MIPOL1: variants seen among roughly 807,000 people sequenced by gnomAD.
MIPOL1 encodes the protein mirror-image polydactyly 1.
Under a neutral mutation model 60.9 loss-of-function variants are expected in MIPOL1, and 57 were observed. The observed-to-expected ratio is 0.94, with a 90% CI of 0.76 to 1.17. MIPOL1 has a LOEUF of 1.17. Among genes scored for constraint, MIPOL1 ranks in the 50% most tolerant of loss-of-function variants. MIPOL1 has a pLI of 0.00. For missense variants in MIPOL1, 551 were observed against 511.6 expected, an observed-to-expected ratio of 1.08 and a Z score of -0.74; for synonymous variants, 179 against 168.8, an observed-to-expected ratio of 1.06 and a Z score of -0.47.
chr14:37,201,634 G>C (rs972688771), intron 1 of MIPOL1, among the ~76,000 whole-genome samples: 1 of 151,964 alleles, frequency 6.6e-6, no homozygotes, highest in African/African-American at 2.4e-5. Context: ...CATTGACTTG[G>C]GCCGTGAAGC....
At chr14:37,482,518 A>G (rs1382241691) in intron 11 of MIPOL1, among the ~76,000 whole-genome samples, 1 of 152,156 alleles carries the variant, frequency 6.6e-6, no homozygotes, top group African/African-American at 2.4e-5. Context: ...GAAATTTGCA[A>G]TCATGGCAAA....
intron 3 of MIPOL1, among the ~76,000 whole-genome samples, chr14:37,248,860 A>G (rs994128475): frequency 6.6e-6 from 1 of 152,134 alleles, no homozygotes; most frequent in African/African-American, 2.4e-5. Flanking sequence ...ACTCACAGGT[A>G]TGCACGTGTG....
At chr14:37,366,704 T>C (rs1392114875) in intron 9 of MIPOL1, among the ~76,000 whole-genome samples, 1 of 152,072 alleles carries the variant, frequency 6.6e-6, no homozygotes, top group African/African-American at 2.4e-5. Flanking sequence ...GTTTCTTTGT[T>C]GATTTTCTTT....
At position 37,287,089 on chromosome 14, in the gene MIPOL1, A is replaced by G. The variant is rs149320906; in HGVS notation, c.623+1642A>G. Among the ~76,000 whole-genome samples the G allele has an allele frequency of 8.5e-5, 13 of 152,214 alleles. No individual in the cohort carries two copies. In the East Asian group the frequency reaches 2.5e-3, roughly 29 times the overall value. ...TGTATAGCGATGGACAAATTACCCAAAGTCTTTAAGGCTCAGTTTTTTTGG... is the reference window on the plus strand; with the variant it reads ...TGTATAGCGATGGACAAATTACCCAGAGTCTTTAAGGCTCAGTTTTTTTGG... On this transcript the variant is annotated intron_variant, in intron 7 of 12. Coordinates refer to ENST00000684589, the MANE Select transcript of MIPOL1 (RefSeq NM_001388067.1).
At chr14:37,466,775 CT>C (rs2094603587) in intron 11 of MIPOL1, among the ~76,000 whole-genome samples, 1 of 152,184 alleles carries the variant, frequency 6.6e-6, no homozygotes, top group Non-Finnish European at 1.5e-5. Flanking sequence ...CTTAGGCAAT[CT>C]TTCCTAGCAA....
intron 11 of MIPOL1, among the ~76,000 whole-genome samples, chr14:37,467,239 T>C (rs575514960): frequency 2.0e-5 from 3 of 152,238 alleles, no homozygotes; most frequent in Non-Finnish European, 4.4e-5. Context: ...TTTGTTCAAC[T>C]GTTCAATTTT....
intron 6 of MIPOL1, among the ~76,000 whole-genome samples, 172 bp from the exon 7 acceptor site, chr14:37,285,144 GTT>G (rs1157283301): frequency 1.3e-5 from 2 of 152,098 alleles, no homozygotes; most frequent in African/African-American, 4.8e-5. Context: ...TGGTATCCCA[GTT>G]TTGCAGTACC....
At chr14:37,363,367 T>C (rs2092353047) in intron 9 of MIPOL1, among the ~76,000 whole-genome samples, 1 of 152,182 alleles carries the variant, frequency 6.6e-6, no homozygotes, top group South Asian at 2.1e-4. Flanking sequence ...AACAGTCAGG[T>C]CCCTCAGCTG....
At chr14:37,425,569 C>T (rs2093947469) in intron 11 of MIPOL1, among the ~76,000 whole-genome samples, 1 of 152,134 alleles carries the variant, frequency 6.6e-6, no homozygotes, top group Admixed American at 6.5e-5. Flanking sequence ...TATAAATGAA[C>T]CTCACCAAGC....
intron 10 of MIPOL1, among the ~76,000 whole-genome samples, chr14:37,381,800 G>A (rs906422672): frequency 1.3e-5 from 2 of 151,316 alleles, no homozygotes; most frequent in African/African-American, 4.9e-5. Context: ...ATTTTGCCCA[G>A]GCTGGTCTGG....
chr14:37,466,411 T>C (rs2094598903), intron 11 of MIPOL1, among the ~76,000 whole-genome samples: 2 of 152,204 alleles, frequency 1.3e-5, no homozygotes, highest in African/African-American at 4.8e-5. Flanking sequence ...GAGCAAATTA[T>C]TTATGGAATG....
At chr14:37,391,423 G>A (rs1229172410) in intron 10 of MIPOL1, among the ~76,000 whole-genome samples, 12 of 148,748 alleles carry the variant, frequency 8.1e-5, no homozygotes, top group Middle Eastern at 3.2e-3. Context: ...TTGAGATAGA[G>A]TCTCACTCTG....
chr14:37,545,649 T>G lies in MIPOL1; in HGVS notation c.1263-1256T>G, dbSNP rs1240246735. On this transcript the variant is annotated intron_variant, in intron 12 of 12. Coordinates refer to ENST00000684589, the MANE Select transcript of MIPOL1 (RefSeq NM_001388067.1). ...ACTGAATAATTTTGTTTTATTTTCCTGTTTTTTGTTAACAGAATTCTTGAT... is the reference window on the plus strand; with the variant it reads ...ACTGAATAATTTTGTTTTATTTTCCGGTTTTTTGTTAACAGAATTCTTGAT... 8.6e-5 allele frequency: 56 copies of G among 649,542 alleles called. 1 individual carries two copies. The East Asian group carries it at 1.6e-3, about 19-fold the overall frequency. The allele number at this position is 649,542 out of a possible 1,614,324, so 40.2% of individuals were successfully genotyped here.
intron 7 of MIPOL1, 144 bp from the exon 8 acceptor site, chr14:37,307,912 C>T (rs749396958): frequency 3.2e-6 from 2 of 631,562 alleles, no homozygotes; most frequent in Admixed American, 5.4e-5. Context: ...GAGCAGGTGG[C>T]ACTTTAATAT....
chr14:37,530,877 G>A (rs562744090), intron 12 of MIPOL1, among the ~76,000 whole-genome samples: 48 of 151,996 alleles, frequency 3.2e-4, no homozygotes, highest in African/African-American at 1.1e-3. Context: ...GAGTGCAGTG[G>A]CATGATCCCG....
intron 9 of MIPOL1, among the ~76,000 whole-genome samples, chr14:37,322,700 T>G (rs1201967793): frequency 1.3e-5 from 2 of 152,146 alleles, no homozygotes; most frequent in Non-Finnish European, 2.9e-5. Context: ...CTGACTGTGG[T>G]TTTGATTTGC....
rs540632573 is a variant in MIPOL1, at chr14:37,545,821, G to T, written c.1263-1084G>T. On this transcript the variant is annotated intron_variant, in intron 12 of 12. Coordinates refer to ENST00000684589, the MANE Select transcript of MIPOL1 (RefSeq NM_001388067.1). ...TCATTCCTTCAGTGTCTAGCTCTGTGCTGTGTTTATTTGCAGAGGACCCTC... is the reference window on the plus strand; with the variant it reads ...TCATTCCTTCAGTGTCTAGCTCTGTTCTGTGTTTATTTGCAGAGGACCCTC... 8 of 449,046 alleles carry T rather than the reference G, an allele frequency of 1.8e-5. 1 individual carries two copies. The South Asian group carries it at 3.3e-4, about 19-fold the overall frequency. The allele number at this position is 449,046 out of a possible 1,614,324, so 27.8% of individuals were successfully genotyped here.
intron 11 of MIPOL1, among the ~76,000 whole-genome samples, chr14:37,438,781 G>T (rs566805510): frequency 6.6e-6 from 1 of 152,158 alleles, no homozygotes; most frequent in Non-Finnish European, 1.5e-5. Flanking sequence ...ATAAATACAC[G>T]CCCTTTGATT....
At chr14:37,351,755 T>G (rs1595322596) in intron 9 of MIPOL1, among the ~76,000 whole-genome samples, 1 of 116,822 alleles carries the variant, frequency 8.6e-6, no homozygotes, top group Non-Finnish European at 1.8e-5. Context: ...TTGATGGGGT[T>G]GTTTGTTTTT....
Sources: gnomAD v4.1 joint callset for allele counts (sites outside exome capture counted in the v4.1 genomes callset) on GRCh38, gnomAD v4.1.1 for gene constraint, MANE v1.5 for transcripts, NCBI Gene and HGNC (gene_info 2026-07-23, HGNC 2026-07-21) for gene names.